SERGEF: variants seen among roughly 807,000 people sequenced by gnomAD.
SERGEF encodes the protein secretion regulating guanine nucleotide exchange factor.
In SERGEF, 51 loss-of-function variants were observed where a neutral mutation model predicts 50.0. The observed-to-expected ratio is 1.02, with a 90% CI of 0.81 to 1.29. The LOEUF (loss-of-function observed/expected upper bound fraction) is 1.29, where lower values mean the gene tolerates loss of function less well. Ranked by LOEUF, SERGEF falls within the 50% of genes most tolerant of loss-of-function variation. SERGEF has a pLI of 0.00. For synonymous variants in SERGEF, 205 were observed against 212.4 expected, an observed-to-expected ratio of 0.97 and a Z score of 0.30; for missense variants, 521 against 557.0, an observed-to-expected ratio of 0.94 and a Z score of 0.65.
intron 9 of SERGEF, among the ~76,000 whole-genome samples, chr11:17,944,782 A>G (rs1421525730): frequency 1.3e-5 from 2 of 152,234 alleles, no homozygotes; most frequent in Non-Finnish European, 2.9e-5. Flanking sequence ...CAAAACAGGA[A>G]CAGCTATATT....
chr11:17,805,742 TC>T (rs1397257841), intron 10 of SERGEF, among the ~76,000 whole-genome samples: 1 of 152,120 alleles, frequency 6.6e-6, no homozygotes, highest in Admixed American at 6.5e-5. Context: ...ATGGGTGCGA[TC>T]CCCTCTTCCT....
chr11:17,969,038 G>A (rs1461508264), intron 8 of SERGEF, among the ~76,000 whole-genome samples: 3 of 152,182 alleles, frequency 2.0e-5, no homozygotes, highest in African/African-American at 7.2e-5. Context: ...TGATGAAAAG[G>A]CAGGCAATAA....
chr11:17,844,139 G>A (rs1443013740), intron 10 of SERGEF, among the ~76,000 whole-genome samples: 2 of 152,156 alleles, frequency 1.3e-5, no homozygotes, highest in African/African-American at 4.8e-5. Context: ...AAGGGCAAGT[G>A]ACTAGCTCAA....
At chr11:17,806,999 C>T (rs1849770656) in intron 10 of SERGEF, among the ~76,000 whole-genome samples, 1 of 152,158 alleles carries the variant, frequency 6.6e-6, no homozygotes, top group South Asian at 2.1e-4. Flanking sequence ...TGCCGCATCT[C>T]TCCCCCAACA....
chr11:17,825,567 A>G (rs371675974), intron 10 of SERGEF, among the ~76,000 whole-genome samples: 1 of 152,186 alleles, frequency 6.6e-6, no homozygotes, highest in East Asian at 1.9e-4. Flanking sequence ...TTCTGATCAA[A>G]TCCTAGTCAA....
At chr11:18,000,926 G>C (rs889664198) in intron 4 of SERGEF, 1 of 413,110 alleles carries the variant, frequency 2.4e-6, no homozygotes, top group African/African-American at 2.1e-5. Context: ...AGCAGCTCTA[G>C]ACTATACATA....
At chr11:17,844,670 C>T (rs564837138) in intron 10 of SERGEF, among the ~76,000 whole-genome samples, 2 of 152,270 alleles carry the variant, frequency 1.3e-5, no homozygotes, top group African/African-American at 4.8e-5. Flanking sequence ...CCTCCTGTTG[C>T]CAGCTTCTCT....
chr11:17,850,728 G>GAGCC (rs1850695820), intron 10 of SERGEF, among the ~76,000 whole-genome samples: 2 of 152,108 alleles, frequency 1.3e-5, no homozygotes, highest in Admixed American at 6.5e-5. Context: ...GGCTCCCTGG[G>GAGCC]ATATTTTCCC....
intron 10 of SERGEF, chr11:17,854,014 C>T: frequency 7.5e-6 from 1 of 134,106 alleles, no homozygotes; most frequent in Admixed American, 7.4e-5. Context: ...GAGCGAGACA[C>T]CGTCTCAAAA....
intron 9 of SERGEF, among the ~76,000 whole-genome samples, chr11:17,917,476 T>C (rs984041989): frequency 1.3e-5 from 2 of 152,198 alleles, no homozygotes; most frequent in African/African-American, 4.8e-5. Flanking sequence ...TGTATACTGC[T>C]TGGGTAATGG....
At chr11:17,972,730 A>G (rs995866912) in intron 8 of SERGEF, among the ~76,000 whole-genome samples, 1 of 152,136 alleles carries the variant, frequency 6.6e-6, no homozygotes, top group Non-Finnish European at 1.5e-5. Context: ...CCAAGCTTCC[A>G]TTGAGACCTG....
At chr11:17,939,153 A>C (rs745793050) in intron 9 of SERGEF, among the ~76,000 whole-genome samples, 3 of 152,218 alleles carry the variant, frequency 2.0e-5, no homozygotes, top group Non-Finnish European at 4.4e-5. Flanking sequence ...AAGAAATGTT[A>C]AAAGATTAGA....
intron 10 of SERGEF, among the ~76,000 whole-genome samples, chr11:17,817,407 G>A (rs907772150): frequency 4.0e-5 from 6 of 151,792 alleles, no homozygotes; most frequent in Admixed American, 1.3e-4. Context: ...TAGTAGAGAC[G>A]GGGTTTCACC....
At chr11:17,962,548 T>A (rs1466412260) in intron 8 of SERGEF, among the ~76,000 whole-genome samples, 1 of 152,096 alleles carries the variant, frequency 6.6e-6, no homozygotes, top group Non-Finnish European at 1.5e-5. Context: ...GGTATGTGTC[T>A]CCAGGTAAAT....
chr11:17,851,918 A>G (rs1048317751), intron 10 of SERGEF, among the ~76,000 whole-genome samples: 4 of 152,198 alleles, frequency 2.6e-5, no homozygotes, highest in Admixed American at 2.0e-4. Flanking sequence ...ACATTTTGAA[A>G]TCTTAGGCTG....
chr11:17,837,865 CTA>C (rs1850431462), intron 10 of SERGEF, among the ~76,000 whole-genome samples: 1 of 151,964 alleles, frequency 6.6e-6, no homozygotes, highest in Non-Finnish European at 1.5e-5. Flanking sequence ...GGGGGTTTCA[CTA>C]TGTTGGTCAG....
chr11:17,958,616 C>T (rs902999152), intron 9 of SERGEF, among the ~76,000 whole-genome samples: 3 of 152,082 alleles, frequency 2.0e-5, no homozygotes, highest in Non-Finnish European at 2.9e-5. Context: ...ATTAAAGGCC[C>T]CCTTGATCAG....
In SERGEF at chr11:17,875,483, T is replaced by C. The variant is rs559005999; in HGVS notation, c.1048+2725A>G. ...CGTTGCCTCCCTGTCTCCTTGTCAA[T>C]TGACTCACAATAAACTTTCTTTTCT... On this transcript the variant is annotated intron_variant, in intron 10 of 10. Coordinates refer to ENST00000265965, the MANE Select transcript of SERGEF (RefSeq NM_012139.4). 2.6e-5 allele frequency among the ~76,000 whole-genome samples: 4 copies of C among 152,372 alleles called. No homozygotes were observed. In the East Asian group the frequency reaches 5.8e-4, roughly 22 times the overall value.
At chr11:17,795,762 G>A (rs1286988217) in intron 10 of SERGEF, among the ~76,000 whole-genome samples, 1 of 152,236 alleles carries the variant, frequency 6.6e-6, no homozygotes, top group Non-Finnish European at 1.5e-5. Flanking sequence ...CCAGAGAAGA[G>A]GAAAATTCAT....
Sources: gnomAD v4.1 joint callset for allele counts (sites outside exome capture counted in the v4.1 genomes callset) on GRCh38, gnomAD v4.1.1 for gene constraint, MANE v1.5 for transcripts, NCBI Gene and HGNC (gene_info 2026-07-23, HGNC 2026-07-21) for gene names.